BCR: variants seen among roughly 807,000 people sequenced by gnomAD.
BCR encodes breakpoint cluster region protein.
A neutral mutation model predicts 138.6 loss-of-function variants in BCR; 58 were observed. That is an observed-to-expected ratio of 0.42 (90% CI 0.34 to 0.52). The LOEUF (loss-of-function observed/expected upper bound fraction) is 0.52. BCR is among the 20% of genes least tolerant of loss of function. The probability of loss-of-function intolerance (pLI) is 0.06; values close to 1 mark genes in which losing one functional copy is unlikely to be tolerated. For synonymous variants in BCR, 786 were observed against 730.1 expected, an observed-to-expected ratio of 1.08 and a Z score of -1.23; for missense variants, 1,599 against 1,727.2, an observed-to-expected ratio of 0.93 and a Z score of 1.32.
At chr22:23,318,032 AGAC>A (rs1486901982) in exon 23 of BCR, 1 of 165,930 alleles carries the variant, frequency 6.0e-6, no homozygotes, top group Non-Finnish European at 1.3e-5. Context: ...AAGTTTCCTG[AGAC>A]GACTTGCGTG....
intron 1 of BCR, among the ~76,000 whole-genome samples, chr22:23,219,271 G>T (rs1316830275): frequency 5.3e-5 from 8 of 152,186 alleles, no homozygotes; most frequent in Admixed American, 5.2e-4. Flanking sequence ...AAAGCTGAGC[G>T]TGCCCACCAA....
intron 1 of BCR, among the ~76,000 whole-genome samples, chr22:23,240,515 G>A (rs1229026901): frequency 1.3e-5 from 2 of 152,074 alleles, no homozygotes; most frequent in Non-Finnish European, 2.9e-5. Context: ...GCCGGGCGTG[G>A]TGGCGGGCGC....
chr22:23,294,561 A>G (rs2146311542), intron 15 of BCR, among the ~76,000 whole-genome samples: 1 of 152,278 alleles, frequency 6.6e-6, no homozygotes, highest in African/African-American at 2.4e-5. Flanking sequence ...CCACCACGCC[A>G]TACTATTTTT....
In BCR at chr22:23,182,110, C is replaced by T; in HGVS notation, c.1150C>T (p.Pro384Ser). 1.2e-6 allele frequency: 2 copies of T among 1,612,446 alleles called. No homozygotes were observed. Among genetic ancestry groups the T allele is most frequent in the African/African-American group, 1.3e-5 (1 of 75,076 alleles). The change falls in exon 1 of 23, where the codon CCC (proline) becomes TCC (serine). Residue 384 changes from proline to serine, a missense_variant. Pro to Ser is a moderately conservative substitution (Grantham distance 74). This residue lies in a region of BCR where 806 missense variants were observed against 635.0 expected (regional missense o/e 1.27). Transcript: ENST00000305877. ...SQQSFDSSSPPTPQCHKRHRH... is the reference protein window; with the variant it reads ...SQQSFDSSSPSTPQCHKRHRH... ...ACAGTCCTTCGACAGCAGCAGTCCC[C>T]CCACGCCGCAGTGCCATAAGCGGCA... is the stretch of plus-strand genomic sequence containing the variant.
rs2074069865 is a variant in BCR, at chr22:23,316,184, C to T, written c.*662C>T. On this transcript the variant is annotated 3_prime_UTR_variant, in exon 23 of 23. Transcript: ENST00000305877. ...GCAGCTCAGAAGGCCTGTGAAATGT[C>T]AGGGGACAGGACCCCCAGGGAGGGA... 1 of 165,498 alleles carries T rather than the reference C, an allele frequency of 6.0e-6. No homozygotes were observed. Among genetic ancestry groups the T allele is most frequent in the Non-Finnish European group, 1.1e-5 (1 of 91,256 alleles). The allele number at this position is 165,498 out of a possible 1,614,324, so 10.3% of individuals were successfully genotyped here. A position where few individuals can be genotyped will look rare whatever the true frequency, so the allele number is the denominator to read the frequency against.
intron 8 of BCR, among the ~76,000 whole-genome samples, chr22:23,279,202 C>T (rs1349689325): frequency 1.3e-5 from 2 of 152,186 alleles, no homozygotes; most frequent in Non-Finnish European, 2.9e-5. Context: ...CATTGTTCTT[C>T]CCAGGCCCTG....
chr22:23,298,931 C>G (rs1329881471), intron 16 of BCR, among the ~76,000 whole-genome samples: 1 of 152,030 alleles, frequency 6.6e-6, no homozygotes, highest in African/African-American at 2.4e-5. Flanking sequence ...AATATTTGTT[C>G]AAAACAAACA....
chr22:23,229,797 T>C (rs901832144), intron 1 of BCR, among the ~76,000 whole-genome samples: 1 of 152,138 alleles, frequency 6.6e-6, no homozygotes, highest in Admixed American at 6.5e-5. Context: ...AGAAGGCAGT[T>C]CCCCCCTGAG....
intron 1 of BCR, 123 bp downstream of exon 1, chr22:23,182,362 CT>C: frequency 1.7e-6 from 2 of 1,184,008 alleles, no homozygotes; most frequent in Non-Finnish European, 2.3e-6. Context: ...ATCAGGTGCA[CT>C]TGTGGTTCAC....
At chr22:23,297,418 T>G (rs2073858968) in intron 16 of BCR, among the ~76,000 whole-genome samples, 1 of 151,998 alleles carries the variant, frequency 6.6e-6, no homozygotes, top group Admixed American at 6.6e-5. Context: ...AGCAGATCTT[T>G]GAGAGAGCTC....
intron 1 of BCR, chr22:23,242,900 G>C: frequency 2.2e-6 from 1 of 455,660 alleles, no homozygotes; most frequent in African/African-American, 2.0e-5. Context: ...CTTCCTTTCT[G>C]TTCCCAGCAT....
chr22:23,226,305 T>TGAGAGA (rs67417858), intron 1 of BCR, among the ~76,000 whole-genome samples: 1 of 148,946 alleles, frequency 6.7e-6, no homozygotes, highest in Admixed American at 6.7e-5. Context: ...ATTAAGTGTA[T>TGAGAGA]GAGAGAGAGA....
At chr22:23,203,427 C>G (rs536983468) in intron 1 of BCR, among the ~76,000 whole-genome samples, 1 of 152,166 alleles carries the variant, frequency 6.6e-6, no homozygotes, top group African/African-American at 2.4e-5. Flanking sequence ...GGGGCCTTAC[C>G]CTCCAAAAAT....
At chr22:23,214,262 A>G (rs2072723155) in intron 1 of BCR, among the ~76,000 whole-genome samples, 1 of 151,040 alleles carries the variant, frequency 6.6e-6, no homozygotes, top group South Asian at 2.1e-4. Flanking sequence ...TTTTTCCATC[A>G]GAGTTGGAAA....
At chr22:23,234,657 C>A (rs2073002173) in intron 1 of BCR, among the ~76,000 whole-genome samples, 1 of 151,584 alleles carries the variant, frequency 6.6e-6, no homozygotes, top group Admixed American at 6.6e-5. Context: ...CTCAGGGAGG[C>A]CATCTGGATG....
intron 1 of BCR, among the ~76,000 whole-genome samples, chr22:23,210,705 C>G (rs917058066): frequency 3.3e-5 from 5 of 152,210 alleles, no homozygotes; most frequent in Non-Finnish European, 4.4e-5. Flanking sequence ...CAGTTTAGCA[C>G]TTTTCCGAAT....
In BCR at chr22:23,250,132, G is replaced by A. The variant is rs192309042; in HGVS notation, c.1280-3667G>A. Among the ~76,000 whole-genome samples the A allele has an allele frequency of 1.2e-4, 19 of 152,328 alleles. No homozygotes were observed. In the East Asian group the frequency reaches 3.5e-3, roughly 28 times the overall value. ...AGCCAGCATGTGGCTTCGCACATGT[G>A]GAGTCTTACAGTTACTCTGAAGCAA... On this transcript the variant is annotated intron_variant, in intron 1 of 22. Transcript: ENST00000305877.
At chr22:23,241,336 C>A (rs964743762) in intron 1 of BCR, among the ~76,000 whole-genome samples, 5 of 152,208 alleles carry the variant, frequency 3.3e-5, no homozygotes, top group African/African-American at 7.2e-5. Context: ...GCCATTCCCC[C>A]CCGACCAACC....
At chr22:23,250,208 A>G (rs992712088) in intron 1 of BCR, among the ~76,000 whole-genome samples, 2 of 152,018 alleles carry the variant, frequency 1.3e-5, no homozygotes, top group Non-Finnish European at 2.9e-5. Context: ...CTGACTCCCT[A>G]CTCGGTGTTG....
Sources: allele counts gnomAD v4.1 joint callset (sites outside exome capture counted in the v4.1 genomes callset), GRCh38; gene constraint gnomAD v4.1.1; regional missense constraint gnomAD v4.1.1; transcripts MANE v1.5; gene names NCBI Gene and HGNC (gene_info 2026-07-23, HGNC 2026-07-21).